The following LMBR1 variants were observed in gnomAD, a reference collection of about 807,000 sequenced individuals.
The protein encoded by LMBR1 is limb development membrane protein 1.
A neutral mutation model predicts 73.9 loss-of-function variants in LMBR1; 52 were observed. The observed-to-expected ratio is 0.70, with a 90% confidence interval of 0.56 to 0.89. The LOEUF (loss-of-function observed/expected upper bound fraction) is 0.89. Ranked by LOEUF, LMBR1 falls within the 40% of genes least tolerant of loss-of-function variation. The pLI, the probability that LMBR1 is intolerant of heterozygous loss-of-function variation, is 0.00. For missense variants in LMBR1, 539 were observed against 579.8 expected (o/e 0.93, Z 0.72); for synonymous variants, 215 against 209.4 (o/e 1.03, Z -0.23).
At chr7:156,779,442 A>C (rs972128993) in intron 5 of LMBR1, among the ~76,000 whole-genome samples, 3 of 152,222 alleles carry the variant, frequency 2.0e-5, no homozygotes, top group African/African-American at 2.4e-5. Flanking sequence ...AAATTACAAC[A>C]ACCTCAATAT....
intron 4 of LMBR1, among the ~76,000 whole-genome samples, chr7:156,803,521 T>C (rs1299362350): frequency 6.6e-6 from 1 of 152,090 alleles, no homozygotes; most frequent in Non-Finnish European, 1.5e-5. Flanking sequence ...GGAGAGGATG[T>C]GGAGAAATAG....
intron 7 of LMBR1, 85 bp from the exon 8 acceptor site, chr7:156,762,283 G>C: frequency 1.3e-6 from 1 of 793,000 alleles, no homozygotes; most frequent in East Asian, 2.5e-5. Flanking sequence ...TAAAAATAAG[G>C]GAAATTCAAG....
chr7:156,762,388 C>A (rs1229276014), intron 7 of LMBR1, among the ~76,000 whole-genome samples, 190 bp from the exon 8 acceptor site: 3 of 152,044 alleles, frequency 2.0e-5, no homozygotes, highest in African/African-American at 7.2e-5. Flanking sequence ...GCTAGAGGGG[C>A]CATGTGAGCA....
At chr7:156,853,237 C>T (rs1206837678) in intron 1 of LMBR1, among the ~76,000 whole-genome samples, 1 of 151,896 alleles carries the variant, frequency 6.6e-6, no homozygotes, top group Non-Finnish European at 1.5e-5. Flanking sequence ...CGCACCCGGC[C>T]GAATAATGCT....
chr7:156,688,804 G>T (rs1234771535), intron 15 of LMBR1, among the ~76,000 whole-genome samples: 1 of 151,576 alleles, frequency 6.6e-6, no homozygotes, highest in Non-Finnish European at 1.5e-5. Flanking sequence ...GCTTATTATT[G>T]CCTGTTTTCC....
At chr7:156,864,953 G>A (rs1040943139) in intron 1 of LMBR1, among the ~76,000 whole-genome samples, 18 of 145,848 alleles carry the variant, frequency 1.2e-4, no homozygotes, top group Middle Eastern at 3.7e-3. Context: ...CCGAGGTCGC[G>A]CCATTGCACT....
At chr7:156,712,455 G>C (rs1426472602) in intron 15 of LMBR1, among the ~76,000 whole-genome samples, 2 of 152,174 alleles carry the variant, frequency 1.3e-5, no homozygotes, top group East Asian at 3.8e-4. Context: ...ACAGTATGGA[G>C]ATTTCTCAAA....
At chr7:156,828,198 G>A (rs1222207573) in intron 3 of LMBR1, among the ~76,000 whole-genome samples, 4 of 151,984 alleles carry the variant, frequency 2.6e-5, no homozygotes, top group African/African-American at 9.7e-5. Context: ...GACCCATTTC[G>A]ACATACACTT....
chr7:156,889,508 A>G (rs1802530096), intron 1 of LMBR1, among the ~76,000 whole-genome samples: 1 of 152,230 alleles, frequency 6.6e-6, no homozygotes, highest in Non-Finnish European at 1.5e-5. Flanking sequence ...AAATCATTTG[A>G]GAAAGAAATG....
At chr7:156,816,331 G>A (rs1005994219) in intron 4 of LMBR1, among the ~76,000 whole-genome samples, 2 of 151,964 alleles carry the variant, frequency 1.3e-5, no homozygotes, top group African/African-American at 4.8e-5. Context: ...TCAGCCTCCC[G>A]AGCATCTGGG....
chr7:156,736,022 G>C (rs1180203320), intron 9 of LMBR1, among the ~76,000 whole-genome samples: 1 of 152,212 alleles, frequency 6.6e-6, no homozygotes, highest in African/African-American at 2.4e-5. Context: ...AGAACAGATG[G>C]ACAGTTTCCT....
chr7:156,690,789 T>C (rs1020356363), intron 15 of LMBR1, among the ~76,000 whole-genome samples: 1 of 151,968 alleles, frequency 6.6e-6, no homozygotes, highest in African/African-American at 2.4e-5. Context: ...ATCTGATAGA[T>C]TGACTAACAG....
intron 1 of LMBR1, among the ~76,000 whole-genome samples, chr7:156,838,262 AAATAT>A (rs1838015278): frequency 6.6e-6 from 1 of 152,188 alleles, no homozygotes; most frequent in Non-Finnish European, 1.5e-5. Context: ...GTGATTTTCA[AAATAT>A]AATACATTGT....
intron 4 of LMBR1, among the ~76,000 whole-genome samples, chr7:156,825,387 G>A (rs990091083): frequency 2.6e-5 from 4 of 152,134 alleles, no homozygotes; most frequent in Non-Finnish European, 4.4e-5. Context: ...TGGGTATGAT[G>A]AGCAAGAAAG....
At chr7:156,766,821 G>A (rs955946411) in intron 5 of LMBR1, among the ~76,000 whole-genome samples, 8 of 152,134 alleles carry the variant, frequency 5.3e-5, no homozygotes, top group African/African-American at 1.9e-4. Context: ...TCCTCTGAGC[G>A]GAAGCATGAA....
chr7:156,824,847 T>TAA (rs756011629), intron 4 of LMBR1, among the ~76,000 whole-genome samples: 16 of 89,536 alleles, frequency 1.8e-4, no homozygotes, highest in East Asian at 2.9e-4. Flanking sequence ...CCTGTCTCAA[T>TAA]AAAAAAAAAA....
At chr7:156,850,062 G>A (rs1796030878) in intron 1 of LMBR1, among the ~76,000 whole-genome samples, 1 of 152,174 alleles carries the variant, frequency 6.6e-6, no homozygotes, top group Non-Finnish European at 1.5e-5. Context: ...GTTTCCCAAA[G>A]TTCATGTATT....
intron 1 of LMBR1, among the ~76,000 whole-genome samples, chr7:156,847,192 C>A (rs1194900257): frequency 6.6e-6 from 1 of 152,132 alleles, no homozygotes; most frequent in East Asian, 1.9e-4. Flanking sequence ...GAAAGGATCA[C>A]CTTTTCAACA....
Position 156,893,156 on chromosome 7 carries a change from C to G in LMBR1, c.-163G>C. The G allele has an allele frequency of 1.8e-6, 1 of 569,502 alleles. No homozygotes were observed. The highest frequency in any genetic ancestry group is 2.7e-6 in the Non-Finnish European group (1 of 376,134). 35.3% of individuals were successfully genotyped at this position (569,502 alleles called of 1,614,324 possible). On this transcript the variant is annotated 5_prime_UTR_variant, in exon 1 of 17. Transcript: ENST00000353442. ...GCGACCACGACACCGGCCGTCGCCT[C>G]AGCAGCCTCAGACGAGCAGCTCTGA...
Sources: allele counts gnomAD v4.1 joint callset (sites outside exome capture counted in the v4.1 genomes callset), GRCh38; gene constraint gnomAD v4.1.1; transcripts MANE v1.5; gene names NCBI Gene and HGNC (gene_info 2026-07-23, HGNC 2026-07-21).